Variants in CSMD3 observed in about 807,000 individuals in gnomAD.
CSMD3 encodes the protein CUB and sushi domain-containing protein 3.
A neutral mutation model predicts 435.2 loss-of-function variants in CSMD3; 177 were observed. That is an observed-to-expected ratio of 0.41 (90% confidence interval 0.36 to 0.46). CSMD3 has a LOEUF of 0.46. CSMD3 is among the 20% of genes least tolerant of loss of function. CSMD3 has a pLI of 0.34. For synonymous variants in CSMD3, 1,656 were observed against 1,520.5 expected (o/e 1.09, Z -2.07); for missense variants, 4,265 against 4,504.6 (o/e 0.95, Z 1.52).
At chr8:113,395,384 G>A (rs775008674) in intron 1 of CSMD3, among the ~76,000 whole-genome samples, 4 of 152,006 alleles carry the variant, frequency 2.6e-5, no homozygotes, top group Non-Finnish European at 2.9e-5. Context: ...GAGGCGGGCG[G>A]ATCATGAGGT....
chr8:112,349,650 T>C (rs940940952), intron 40 of CSMD3, among the ~76,000 whole-genome samples: 4 of 152,112 alleles, frequency 2.6e-5, no homozygotes, highest in African/African-American at 9.7e-5. Context: ...GTGTTCAGAA[T>C]TGCATTACAT....
intron 10 of CSMD3, among the ~76,000 whole-genome samples, chr8:112,870,091 A>ACT (rs2081089102): frequency 6.6e-6 from 1 of 152,072 alleles, no homozygotes; most frequent in Non-Finnish European, 1.5e-5. Flanking sequence ...TTGCCTTTTC[A>ACT]ATTATTTATT....
At chr8:113,254,122 A>G (rs1219151401) in intron 3 of CSMD3, among the ~76,000 whole-genome samples, 1 of 152,196 alleles carries the variant, frequency 6.6e-6, no homozygotes, top group Admixed American at 6.5e-5. Flanking sequence ...CTGAGTGTCT[A>G]TAATTTTCTC....
At chr8:112,524,008 T>C (rs375669854) in intron 27 of CSMD3, among the ~76,000 whole-genome samples, 21 of 152,242 alleles carry the variant, frequency 1.4e-4, no homozygotes, top group African/African-American at 5.1e-4. Context: ...TAGAAATCTC[T>C]TTTTTAAAAA....
Position 112,376,522 on chromosome 8 carries a change from G to A in CSMD3, c.6136+3830C>T, listed in dbSNP as rs144180472. Among the ~76,000 whole-genome samples, 10 of 151,992 alleles carry A rather than the reference G, an allele frequency of 6.6e-5. No homozygotes were observed. In the East Asian group the frequency reaches 7.8e-4, roughly 12 times the overall value. ...TGTTCGCTCCCACTGAGAGTTTCAC[G>A]TCATTCAAAACTTCCAGTTTAGGTA... On this transcript the variant is annotated intron_variant, in intron 38 of 70. Coordinates refer to ENST00000297405, the MANE Select transcript of CSMD3 (RefSeq NM_198123.2).
chr8:112,726,919 CA>C (rs1324617547), intron 13 of CSMD3, among the ~76,000 whole-genome samples: 2 of 151,594 alleles, frequency 1.3e-5, no homozygotes, highest in East Asian at 1.9e-4. Context: ...GAATATGATT[CA>C]AGAGAAAATG....
At position 112,431,324 on chromosome 8, in the gene CSMD3, A is replaced by G. The variant is rs149308593; in HGVS notation, c.5396-22292T>C. 1.8e-3 allele frequency among the ~76,000 whole-genome samples: 268 copies of G among 152,258 alleles called. 6 individuals carry two copies. The East Asian group carries it at 0.041, about 24-fold the overall frequency. On this transcript the variant is annotated intron_variant, in intron 32 of 70. Coordinates refer to ENST00000297405, the MANE Select transcript of CSMD3 (RefSeq NM_198123.2). ...TTTTTGTTTTAAGCTGACTGGCAAT[A>G]TAAAAAATAGGTGAATATTTTTGTT... is the stretch of plus-strand genomic sequence containing the variant.
intron 14 of CSMD3, among the ~76,000 whole-genome samples, chr8:112,686,113 G>T (rs1330250028): frequency 6.6e-6 from 1 of 152,116 alleles, no homozygotes; most frequent in Non-Finnish European, 1.5e-5. Context: ...ATATTATGTG[G>T]ATATTAACAG....
chr8:112,657,997 T>C (rs930907942), intron 17 of CSMD3, among the ~76,000 whole-genome samples: 4 of 152,214 alleles, frequency 2.6e-5, no homozygotes, highest in African/African-American at 9.6e-5. Flanking sequence ...TAAATATTTA[T>C]TGGATCAAAG....
intron 13 of CSMD3, among the ~76,000 whole-genome samples, chr8:112,742,714 C>G (rs1263953925): frequency 6.6e-6 from 1 of 151,876 alleles, no homozygotes; most frequent in Non-Finnish European, 1.5e-5. Context: ...TATCCCATAG[C>G]TGTACCTGAT....
At chr8:113,092,282 T>C (rs1319532598) in intron 5 of CSMD3, among the ~76,000 whole-genome samples, 1 of 152,114 alleles carries the variant, frequency 6.6e-6, no homozygotes, top group Non-Finnish European at 1.5e-5. Context: ...TGTATCTATC[T>C]GTGCCAGTAT....
chr8:112,821,165 C>T (rs1399281602), intron 12 of CSMD3, among the ~76,000 whole-genome samples: 2 of 152,156 alleles, frequency 1.3e-5, no homozygotes, highest in African/African-American at 4.8e-5. Context: ...TGGGCATATA[C>T]CCAGTAATGA....
chr8:112,884,988 A>C (rs1216250090), intron 10 of CSMD3, among the ~76,000 whole-genome samples: 1 of 151,588 alleles, frequency 6.6e-6, no homozygotes, highest in Non-Finnish European at 1.5e-5. Context: ...TCCCTGAGAG[A>C]CCCAATCCCA....
intron 12 of CSMD3, among the ~76,000 whole-genome samples, chr8:112,813,276 C>T (rs2079279602): frequency 6.6e-6 from 1 of 152,146 alleles, no homozygotes; most frequent in Non-Finnish European, 1.5e-5. Context: ...GCCTTTTAAA[C>T]TCTTTAAGGC....
Position 112,573,568 on chromosome 8 carries a change from A to C in CSMD3, c.3975T>G (p.Asn1325Lys). Residue 1325 changes from asparagine (N) to lysine (K), a missense_variant, in exon 24 of 71, where the codon AAT becomes AAG. By Grantham distance (94) the Asn-to-Lys change is moderately conservative. Coordinates refer to ENST00000297405, the MANE Select transcript of CSMD3 (RefSeq NM_198123.2). ...MRGLTLSSTS[N>K]QLWLEFNSDT... The stretch of plus-strand genomic sequence containing the variant: ...CGGAATTAAATTCTAGCCAGAGTTG[A>C]TTTGAAGTACTACTAAGTGTCAGTC... 6.2e-7 allele frequency: 1 copy of C among 1,613,416 alleles called. No individual in the cohort carries two copies. Among genetic ancestry groups the C allele is most frequent in the Non-Finnish European group, 8.5e-7 (1 of 1,179,522 alleles).
chr8:113,259,964 T>C (rs959046186), intron 3 of CSMD3, among the ~76,000 whole-genome samples: 16 of 152,110 alleles, frequency 1.1e-4, no homozygotes, highest in African/African-American at 3.9e-4. Flanking sequence ...GCTAATCTCA[T>C]GATAGTAAGT....
intron 13 of CSMD3, among the ~76,000 whole-genome samples, chr8:112,781,419 C>A (rs2078382967): frequency 1.3e-5 from 2 of 151,984 alleles, no homozygotes; most frequent in Non-Finnish European, 2.9e-5. Context: ...AAATAAGGCA[C>A]CCAATAAATA....
intron 16 of CSMD3, among the ~76,000 whole-genome samples, chr8:112,672,242 G>A (rs1285079387): frequency 1.3e-5 from 2 of 152,056 alleles, no homozygotes; most frequent in Non-Finnish European, 2.9e-5. Flanking sequence ...ACAGAAGTGG[G>A]ACAGAATAGG....
chr8:113,257,419 A>G (rs1010426873), intron 3 of CSMD3, among the ~76,000 whole-genome samples: 6 of 152,102 alleles, frequency 3.9e-5, no homozygotes, highest in African/African-American at 1.4e-4. Flanking sequence ...TCAAAAACAA[A>G]TAAATAAATA....
Sources: allele counts gnomAD v4.1 joint callset (sites outside exome capture counted in the v4.1 genomes callset), GRCh38; gene constraint gnomAD v4.1.1; transcripts MANE v1.5; gene names NCBI Gene and HGNC (gene_info 2026-07-23, HGNC 2026-07-21).